Variants in SIM1 observed in about 807,000 individuals in gnomAD.
SIM1 encodes SIM bHLH transcription factor 1, also known as single-minded homolog 1.
Under a neutral mutation model 78.2 loss-of-function variants are expected in SIM1, and 18 were observed. The ratio of observed to expected loss-of-function variants is 0.23; its 90% CI spans 0.16 to 0.34. SIM1 has a LOEUF of 0.34. Ranked by LOEUF, SIM1 falls within the 10% of genes least tolerant of loss-of-function variation. SIM1 has a pLI of 1.00. For synonymous variants in SIM1, 417 were observed against 385.2 expected (o/e 1.08, Z -0.97); for missense variants, 939 against 975.1 (o/e 0.96, Z 0.49).
chr6:100,409,385 T>C (rs1301428577), intron 10 of SIM1, among the ~76,000 whole-genome samples: 1 of 152,050 alleles, frequency 6.6e-6, no homozygotes, highest in African/African-American at 2.4e-5. Flanking sequence ...TCAGCTATAA[T>C]ATTTCCTCTT....
At chr6:100,393,422 A>G in intron 11 of SIM1, 65 bp downstream of exon 11, 2 of 1,378,478 alleles carry the variant, frequency 1.5e-6, no homozygotes, top group Non-Finnish European at 1.9e-6. Flanking sequence ...CTCTAGTGTC[A>G]CAATGTGATG....
rs142303587 is a variant in SIM1 at position 100,390,647 on chromosome 6, A to C, written c.2015T>G (p.Ile672Ser). 3 of 1,614,020 alleles carry C rather than the reference A, an allele frequency of 1.9e-6. No homozygotes were observed. In the African/African-American group the frequency reaches 4.0e-5, roughly 22 times the overall value. The change falls in exon 12 of 12, where the codon ATC (isoleucine) becomes AGC (serine). Residue 672 changes from isoleucine (I) to serine (S), a missense_variant. Coordinates refer to ENST00000369208, the MANE Select transcript of SIM1 (RefSeq NM_005068.3). ...NSDRISKSSL[I>S]LAKDYLHSDI... ...CGAATGCAGATAGTCTTTAGCTAGG[A>C]TCAAACTGGATTTTGAAATGCGATC...
Position 100,386,935 on chromosome 6 carries a change from CATT to C in SIM1, c.*3423_*3425del, listed in dbSNP as rs1352414046. On this transcript the variant is annotated 3_prime_UTR_variant, in exon 12 of 12. Coordinates refer to ENST00000369208, the MANE Select transcript of SIM1 (RefSeq NM_005068.3). ...AATATCTGACCTGTAGTGATTGTGA[CATT>C]AATATTACACATCCCAAAATAACAC... The C allele has an allele frequency of 6.6e-6, 1 of 151,920 alleles. No homozygotes were observed. The highest frequency in any genetic ancestry group is 1.5e-5 in the Non-Finnish European group (1 of 67,924). The allele number at this position is 151,920 out of a possible 1,614,324, so 9.4% of individuals were successfully genotyped here. A position where few individuals can be genotyped will look rare whatever the true frequency, so the allele number is the denominator to read the frequency against.
At chr6:100,412,598 A>G (rs1178124485) in intron 10 of SIM1, among the ~76,000 whole-genome samples, 13 of 110,472 alleles carry the variant, frequency 1.2e-4, no homozygotes, top group African/African-American at 2.6e-4. Flanking sequence ...AAAGAAAGAA[A>G]GAAAGAAAGA....
At chr6:100,396,361 G>T (rs763072948) in intron 10 of SIM1, among the ~76,000 whole-genome samples, 19 of 152,038 alleles carry the variant, frequency 1.2e-4, no homozygotes, top group Non-Finnish European at 2.4e-4. Flanking sequence ...TTAAGAGGGG[G>T]AAAAGCTTTC....
intron 3 of SIM1, among the ~76,000 whole-genome samples, chr6:100,452,148 A>T (rs1258333854): frequency 6.6e-6 from 1 of 152,220 alleles, no homozygotes; most frequent in Non-Finnish European, 1.5e-5. Context: ...TTAGAAACTG[A>T]GGGAAGGAGA....
intron 9 of SIM1, among the ~76,000 whole-genome samples, chr6:100,446,820 C>A (rs1187753358): frequency 6.6e-6 from 1 of 152,168 alleles, no homozygotes; most frequent in East Asian, 1.9e-4. Flanking sequence ...GCCACTCTCT[C>A]AGAACTCTTA....
At position 100,443,756 on chromosome 6, in the gene SIM1, C is replaced by T. The variant is rs558436677; in HGVS notation, c.998+3512G>A. On this transcript the variant is annotated intron_variant, in intron 9 of 11. Transcript: ENST00000369208. ...AAAATGCTATTCAAGGATGAAGCAC[C>T]ATGATATCTGTGGCTTACTTTGAAG... 3.3e-5 allele frequency among the ~76,000 whole-genome samples: 5 copies of T among 152,018 alleles called. No homozygotes were observed. In the East Asian group the frequency reaches 7.7e-4, roughly 23 times the overall value.
At chr6:100,447,182 G>T in intron 9 of SIM1, 86 bp downstream of exon 9, 2 of 1,505,564 alleles carry the variant, frequency 1.3e-6, no homozygotes, top group East Asian at 2.3e-5. Flanking sequence ...CCCGAGCCTT[G>T]TCTAACCCGG....
chr6:100,413,500 A>T (rs1011456426), intron 10 of SIM1, among the ~76,000 whole-genome samples: 6 of 151,892 alleles, frequency 4.0e-5, no homozygotes, highest in African/African-American at 1.5e-4. Context: ...TTCTTTTCTT[A>T]TTCAATAATT....
intron 6 of SIM1, 25 bp downstream of exon 6, chr6:100,449,338 C>T (rs777965694): frequency 3.7e-6 from 6 of 1,601,344 alleles, no homozygotes; most frequent in Non-Finnish European, 4.3e-6. Context: ...TGACTCCACC[C>T]GGAGCGGATC....
In SIM1 at chr6:100,385,451, A is replaced by G. The variant is rs1770495762; in HGVS notation, c.*4910T>C. 6.6e-6 allele frequency: 1 copy of G among 152,014 alleles called. No homozygotes were observed. Among genetic ancestry groups the G allele is most frequent in the Admixed American group, 6.6e-5 (1 of 15,242 alleles). 9.4% of individuals were successfully genotyped at this position (152,014 alleles called of 1,614,324 possible). ...CAAAATTTTTTTCCAGGCCAATTTC[A>G]TTTCTTTTGAAATGTAAACACATCA... On this transcript the variant is annotated 3_prime_UTR_variant, in exon 12 of 12. Coordinates refer to ENST00000369208, the MANE Select transcript of SIM1 (RefSeq NM_005068.3).
intron 9 of SIM1, among the ~76,000 whole-genome samples, chr6:100,431,699 C>T (rs1360129885): frequency 1.3e-5 from 2 of 152,114 alleles, no homozygotes; most frequent in Non-Finnish European, 2.9e-5. Flanking sequence ...CAACAGAGCC[C>T]GTTACCAAAG....
Position 100,414,614 on chromosome 6 carries a change from A to G in SIM1, c.1167+6176T>C, listed in dbSNP as rs570088754. Among the ~76,000 whole-genome samples the G allele has an allele frequency of 3.9e-5, 6 of 152,332 alleles. No homozygotes were observed. The East Asian group carries it at 1.2e-3, about 29-fold the overall frequency. ...TAAGACTTTCTAGGAAGATAACCTA[A>G]ATTTTTCTGGCAAAATGCATTAAAA... On this transcript the variant is annotated intron_variant, in intron 10 of 11. Transcript: ENST00000369208.
intron 10 of SIM1, among the ~76,000 whole-genome samples, chr6:100,417,373 A>G (rs1444556066): frequency 2.0e-5 from 3 of 152,124 alleles, no homozygotes; most frequent in African/African-American, 7.2e-5. Flanking sequence ...TTCTTTTACC[A>G]CTTCCTTATA....
At chr6:100,409,914 G>C (rs1771151013) in intron 10 of SIM1, among the ~76,000 whole-genome samples, 1 of 152,046 alleles carries the variant, frequency 6.6e-6, no homozygotes, top group South Asian at 2.1e-4. Flanking sequence ...CAACCTTCTT[G>C]AATTTATTAA....
chr6:100,453,712 G>A (rs1050031519), intron 3 of SIM1, 50 bp downstream of exon 3: 2 of 1,320,974 alleles, frequency 1.5e-6, no homozygotes, highest in African/African-American at 1.5e-5. Context: ...TCAGGGCCAG[G>A]CACTCAGACC....
intron 9 of SIM1, among the ~76,000 whole-genome samples, chr6:100,426,711 T>C (rs942289022): frequency 6.8e-6 from 1 of 148,058 alleles, no homozygotes; most frequent in African/African-American, 2.7e-5. Flanking sequence ...TTATCAGTTC[T>C]TGTTGATTCA....
chr6:100,456,413 T>A (rs1223359147), intron 2 of SIM1, among the ~76,000 whole-genome samples: 1 of 152,180 alleles, frequency 6.6e-6, no homozygotes, highest in Non-Finnish European at 1.5e-5. Context: ...CTGTTTAAAA[T>A]GAGGAGGAAA....
Sources: allele counts gnomAD v4.1 joint callset (sites outside exome capture counted in the v4.1 genomes callset), GRCh38; gene constraint gnomAD v4.1.1; transcripts MANE v1.5; gene names NCBI Gene and HGNC (gene_info 2026-07-23, HGNC 2026-07-21).